Variants in PBRM1 observed in about 807,000 individuals in gnomAD.
PBRM1 encodes the protein polybromo 1, also known as protein polybromo-1.
In PBRM1, 27 loss-of-function variants were observed where a neutral mutation model predicts 194.5. That is an observed-to-expected ratio of 0.14 (90% confidence interval 0.10 to 0.19). The LOEUF (loss-of-function observed/expected upper bound fraction) is 0.19, where lower values mean the gene tolerates loss of function less well. Ranked by LOEUF, PBRM1 falls within the 10% of genes least tolerant of loss-of-function variation. PBRM1 has a pLI of 1.00. For synonymous variants in PBRM1, 655 were observed against 693.2 expected (o/e 0.94, Z 0.87); for missense variants, 1,466 against 2,077.2 (o/e 0.71, Z 5.72).
At chr3:52,596,039 T>C (rs2093503930) in intron 17 of PBRM1, among the ~76,000 whole-genome samples, 1 of 152,232 alleles carries the variant, frequency 6.6e-6, no homozygotes, top group South Asian at 2.1e-4. Context: ...TTTCAGATAC[T>C]ATATAGCTCT....
exon 3 of PBRM1, chr3:52,668,637 G>T: frequency 6.4e-7 from 1 of 1,556,648 alleles, no homozygotes; most frequent in Non-Finnish European, 8.7e-7. Context: ...ATAATAGTCT[G>T]GTTGATTTCT....
At chr3:52,594,299 G>C (rs2093370501) in intron 17 of PBRM1, among the ~76,000 whole-genome samples, 1 of 152,176 alleles carries the variant, frequency 6.6e-6, no homozygotes, top group Non-Finnish European at 1.5e-5. Flanking sequence ...AAGTCTTCTT[G>C]TTGAAATGAA....
chr3:52,558,550 A>C, intron 25 of PBRM1, 137 bp from the exon 28 acceptor site: 8 of 692,082 alleles, frequency 1.2e-5, no homozygotes, highest in Non-Finnish European at 1.8e-5. Flanking sequence ...GACTAGTCTC[A>C]ACACAGGAGG....
chr3:52,595,542 A>C (rs1283335196), intron 17 of PBRM1, among the ~76,000 whole-genome samples: 6 of 152,210 alleles, frequency 3.9e-5, no homozygotes. Context: ...ATTTTCTCTT[A>C]AGGAGTTGAG....
chr3:52,573,998 A>G (rs2153630977), intron 22 of PBRM1, among the ~76,000 whole-genome samples: 1 of 152,350 alleles, frequency 6.6e-6, no homozygotes, highest in East Asian at 1.9e-4. Context: ...ACTAATGCAA[A>G]GTGCTTGCCT....
intron 13 of PBRM1, among the ~76,000 whole-genome samples, chr3:52,620,188 A>C (rs1489934415): frequency 2.0e-5 from 3 of 152,234 alleles, no homozygotes; most frequent in Non-Finnish European, 4.4e-5. Context: ...CCAATACCAC[A>C]GAGCTCCACA....
intron 7 of PBRM1, among the ~76,000 whole-genome samples, chr3:52,645,064 A>G (rs2096248424): frequency 2.0e-5 from 3 of 152,266 alleles, no homozygotes. Flanking sequence ...GGTATAATAC[A>G]GTAATGCCCC....
In PBRM1 at chr3:52,603,427, T is replaced by C. The variant is rs1295547529; in HGVS notation, c.2779+94A>G. The C allele has an allele frequency of 1.4e-5, 19 of 1,317,298 alleles. No individual in the cohort carries two copies. The East Asian group carries it at 4.2e-4, about 29-fold the overall frequency. The allele number at this position is 1,317,298 out of a possible 1,614,324, so 81.6% of individuals were successfully genotyped here. On this transcript the variant is annotated intron_variant, in intron 17 of 29. Transcript: ENST00000296302. ...ATATAGTCAATACCCTGAGTTTTCA[T>C]TCATACAAACAGGACTCTTTTCCAC...
intron 17 of PBRM1, among the ~76,000 whole-genome samples, chr3:52,593,869 TC>T (rs966131602): frequency 1.3e-5 from 2 of 152,306 alleles, no homozygotes; most frequent in Admixed American, 1.3e-4. Context: ...TTAGAGTATG[TC>T]CCATGTGGTA....
At chr3:52,640,560 C>T (rs1459960882) in intron 10 of PBRM1, among the ~76,000 whole-genome samples, 1 of 151,074 alleles carries the variant, frequency 6.6e-6, no homozygotes, top group Non-Finnish European at 1.5e-5. Context: ...TGTGAGTCAC[C>T]ACACCTGGTC....
At chr3:52,602,076 T>C (rs905009492) in intron 17 of PBRM1, among the ~76,000 whole-genome samples, 6 of 152,212 alleles carry the variant, frequency 3.9e-5, no homozygotes, top group Admixed American at 6.5e-5. Context: ...GATAATTACA[T>C]GTACGTGATC....
chr3:52,662,075 A>AG, intron 4 of PBRM1, 58 bp downstream of exon 5: 1 of 1,562,798 alleles, frequency 6.4e-7, no homozygotes, highest in Admixed American at 1.8e-5. Context: ...AATCACAAGC[A>AG]GGGGCCCTCT....
At chr3:52,607,844 ATAT>A (rs1291161222) in intron 16 of PBRM1, among the ~76,000 whole-genome samples, 1 of 152,190 alleles carries the variant, frequency 6.6e-6, no homozygotes, top group Non-Finnish European at 1.5e-5. Flanking sequence ...CTGAAGAACC[ATAT>A]TATTAAGGAC....
rs1655324654 is a variant in PBRM1 at position 52,644,685 on chromosome 3, G to A, written c.899+19C>T. On this transcript the variant is annotated intron_variant, in intron 8 of 29. Transcript: ENST00000296302. ...GGCATGAGCCACCACGCCCAGCCTA[G>A]ACATTTTCTTAAACCTACCTCATTC... 1.5e-6 allele frequency: 2 copies of A among 1,305,680 alleles called. No individual in the cohort carries two copies. Among genetic ancestry groups the A allele is most frequent in the Admixed American group, 1.8e-5 (1 of 56,484 alleles). The allele number at this position is 1,305,680 out of a possible 1,614,324, so 80.9% of individuals were successfully genotyped here.
chr3:52,548,044 A>G (rs749644367), exon 30 of PBRM1: 1 of 1,600,836 alleles, frequency 6.2e-7, no homozygotes, highest in Non-Finnish European at 8.5e-7. Context: ...TTCTATATAA[A>G]AGAAACGTAA....
exon 28 of PBRM1, chr3:52,550,796 G>A (rs762288924): frequency 3.1e-6 from 5 of 1,609,982 alleles, no homozygotes; most frequent in Non-Finnish European, 3.4e-6. Context: ...TACCATAGGG[G>A]CCACTCCTTG....
rs2094506055 is a variant in PBRM1, at chr3:52,609,439, A to G, written c.2441T>C (p.Phe814Ser). The G allele has an allele frequency of 1.2e-6, 2 of 1,614,078 alleles. No individual in the cohort carries two copies. The highest frequency in any genetic ancestry group is 1.7e-6 in the Non-Finnish European group (2 of 1,179,962). ...AAATGTAAGGGGTGGTTTGTTAGGA[A>G]AGTTGGGATCCACAGCAGGAATTTC... is the stretch of plus-strand genomic sequence containing the variant. The change falls in exon 16 of 30, where the codon TTT (phenylalanine) becomes TCT (serine). Residue 814 changes from phenylalanine (F) to serine (S), a missense_variant. Around this residue, in one of 5 missense-constraint regions of PBRM1, gnomAD observed 687 missense variants for 946.2 expected, o/e 0.73. Coordinates refer to ENST00000296302, the Ensembl canonical transcript of PBRM1. This position sits in a 1 kb window ranked among gnomAD's most constrained non-coding sequence, Gnocchi z 4.1.
intron 3 of PBRM1, among the ~76,000 whole-genome samples, chr3:52,664,556 T>C (rs529167604): frequency 6.6e-6 from 1 of 151,570 alleles, no homozygotes; most frequent in Admixed American, 6.6e-5. Flanking sequence ...GCCAACGTGG[T>C]GAAACCCTGT....
intron 19 of PBRM1, 75 bp downstream of exon 21, chr3:52,587,278 A>G (rs113150669): frequency 1.9e-6 from 2 of 1,065,212 alleles, no homozygotes; most frequent in African/African-American, 1.6e-5. Context: ...TTTTGTAAAC[A>G]TCGATTATTT....
Sources: gnomAD v4.1 joint callset for allele counts (sites outside exome capture counted in the v4.1 genomes callset) on GRCh38, gnomAD v4.1.1 for gene constraint, gnomAD v4.1.1 regional missense constraint, Gnocchi (gnomAD v3.1) non-coding constraint, MANE v1.5 for transcripts, NCBI Gene and HGNC (gene_info 2026-07-23, HGNC 2026-07-21) for gene names.